DCAF1: variants seen among roughly 807,000 people sequenced by gnomAD.
DCAF1 encodes the protein DDB1 and CUL4 associated factor 1.
In DCAF1, 15 loss-of-function variants were observed where a neutral mutation model predicts 128.0. The ratio of observed to expected loss-of-function variants is 0.12; its 90% CI spans 0.08 to 0.18. DCAF1 has a LOEUF of 0.18. Ranked by LOEUF, DCAF1 falls within the 10% of genes least tolerant of loss-of-function variation. The probability of loss-of-function intolerance (pLI) is 1.00; values close to 1 mark genes in which losing one functional copy is unlikely to be tolerated. For missense variants in DCAF1, 988 were observed against 1,649.5 expected (o/e 0.60, Z 6.95); for synonymous variants, 610 against 603.0 (o/e 1.01, Z -0.17).
intron 6 of DCAF1, among the ~76,000 whole-genome samples, chr3:51,450,237 C>G (rs1702223722): frequency 6.6e-6 from 1 of 152,020 alleles, no homozygotes; most frequent in Admixed American, 6.6e-5. Flanking sequence ...TAACTCTTCC[C>G]AAAAATTGAC....
chr3:51,432,267 TAAAAAAAAA>T (rs879192648), intron 10 of DCAF1, among the ~76,000 whole-genome samples: 4 of 99,042 alleles, frequency 4.0e-5, no homozygotes, highest in Non-Finnish European at 7.6e-5. Context: ...CAAGATTCTG[TAAAAAAAAA>T]AAAAAAAAAA....
rs1273637579 is a variant in DCAF1 at position 51,434,577 on chromosome 3, T to C, written c.1129-1313A>G. On this transcript the variant is annotated intron_variant, in intron 9 of 24. Transcript: ENST00000684031. ...AACTTTCCCATTTTAATCCTTTTAA[T>C]ATAAATAGCTCTATATCCTAGCTTT... 2.6e-5 allele frequency among the ~76,000 whole-genome samples: 4 copies of C among 152,236 alleles called. No homozygotes were observed. In the East Asian group the frequency reaches 5.8e-4, roughly 22 times the overall value.
intron 3 of DCAF1, among the ~76,000 whole-genome samples, chr3:51,479,893 A>G (rs782260393): frequency 6.6e-5 from 10 of 152,150 alleles, no homozygotes; most frequent in Non-Finnish European, 1.3e-4. Context: ...ATTAAAACAA[A>G]GTGGTGGCCA....
Position 51,463,207 on chromosome 3 carries a change from C to A in DCAF1, c.282G>T (p.Met94Ile). ...FMNALVNAYVMTSREPPLNTA... is the reference protein window; with the variant it reads ...FMNALVNAYVITSREPPLNTA... ...TGTTTAAAGGGGGCTCTCGGCTTGT[C>A]ATCACATATGCATTCACCAGCTGTA... Residue 94 changes from methionine to isoleucine, a missense_variant, in exon 6 of 25, where the codon ATG becomes ATT. Around this residue, in one of 11 missense-constraint regions of DCAF1, gnomAD observed 210 missense variants for 260.2 expected, o/e 0.81. Coordinates refer to ENST00000684031, the MANE Select transcript of DCAF1 (RefSeq NM_001387579.1). 1 of 1,585,654 alleles carries A rather than the reference C, an allele frequency of 6.3e-7. No homozygotes were observed. The highest frequency in any genetic ancestry group is 8.6e-7 in the Non-Finnish European group (1 of 1,165,450).
At chr3:51,499,755 GCC>G (rs1193188481) in intron 1 of DCAF1, 116 bp downstream of exon 1, 1 of 151,468 alleles carries the variant, frequency 6.6e-6, no homozygotes, top group Admixed American at 6.6e-5. Context: ...CTCGCCGGCG[GCC>G]CAAGCAGGTG....
chr3:51,431,396 T>G (rs1222125702), intron 10 of DCAF1, among the ~76,000 whole-genome samples: 1 of 150,572 alleles, frequency 6.6e-6, no homozygotes, highest in Non-Finnish European at 1.5e-5. Flanking sequence ...GGCACGTGCC[T>G]GTGATCCCAG....
intron 4 of DCAF1, among the ~76,000 whole-genome samples, chr3:51,470,684 G>A (rs782564212): frequency 3.3e-5 from 5 of 152,076 alleles, no homozygotes; most frequent in South Asian, 2.1e-4. Context: ...TGTGATATTC[G>A]ATTGGCAAAT....
At chr3:51,407,736 C>T (rs1323614621) in intron 23 of DCAF1, among the ~76,000 whole-genome samples, 1 of 151,920 alleles carries the variant, frequency 6.6e-6, no homozygotes, top group East Asian at 1.9e-4. Flanking sequence ...GCCTATAATC[C>T]CAGCACTTTG....
At chr3:51,437,690 C>T (rs530717431) in intron 9 of DCAF1, among the ~76,000 whole-genome samples, 48 of 152,028 alleles carry the variant, frequency 3.2e-4, no homozygotes, top group African/African-American at 9.9e-4. Context: ...TGGTGCGCAC[C>T]TGCAGTCCAA....
At chr3:51,407,949 C>A (rs186447605) in intron 23 of DCAF1, among the ~76,000 whole-genome samples, 1 of 137,742 alleles carries the variant, frequency 7.3e-6, no homozygotes, top group Non-Finnish European at 1.5e-5. Context: ...CGCAACACTG[C>A]GCTCCAGCCT....
At chr3:51,413,615 CAAG>C (rs1553629326) in intron 20 of DCAF1, among the ~76,000 whole-genome samples, 1 of 152,176 alleles carries the variant, frequency 6.6e-6, no homozygotes, top group Non-Finnish European at 1.5e-5. Flanking sequence ...CATCTACCTC[CAAG>C]AAGTGTTACT....
intron 12 of DCAF1, among the ~76,000 whole-genome samples, chr3:51,428,792 C>T (rs1700125591): frequency 6.6e-6 from 1 of 151,714 alleles, no homozygotes; most frequent in South Asian, 2.1e-4. Flanking sequence ...CCAGGAGTTC[C>T]AAGACCAGCC....
Position 51,443,916 on chromosome 3 carries a change from A to C in DCAF1, c.376-13T>G, listed in dbSNP as rs1248044517. 1.9e-6 allele frequency: 3 copies of C among 1,577,440 alleles called. No homozygotes were observed. Among genetic ancestry groups the C allele is most frequent in the Non-Finnish European group, 2.6e-6 (3 of 1,169,078 alleles). On this transcript the variant is annotated splice_polypyrimidine_tract_variant and intron_variant, in intron 6 of 24. Transcript: ENST00000684031. ...CGACAATTCCCTCCTATAGTAAAGGAAATTAAATAGTACATTTCGGAAAAA... is the reference window on the plus strand; with the variant it reads ...CGACAATTCCCTCCTATAGTAAAGGCAATTAAATAGTACATTTCGGAAAAA...
At chr3:51,408,096 GGCA>G in intron 23 of DCAF1, among the ~76,000 whole-genome samples, 1 of 151,708 alleles carries the variant, frequency 6.6e-6, no homozygotes, top group South Asian at 2.1e-4. Context: ...CCTGAAGGCA[GGCA>G]GACTAGCAGC....
chr3:51,412,382 GTCC>G lies in DCAF1; in HGVS notation c.4206_4208del (p.Glu1402del). On this transcript the variant is annotated inframe_deletion, in exon 23 of 25. Transcript: ENST00000684031. ...AGAAATCTCAAAGACCACTGACCTG[GTCC>G]TCCTCTTCATCCTCATCCTCTGCCA... 1 of 1,613,806 alleles carries G rather than the reference GTCC, an allele frequency of 6.2e-7. No individual in the cohort carries two copies. The highest frequency in any genetic ancestry group is 8.5e-7 in the Non-Finnish European group (1 of 1,179,856).
chr3:51,466,908 G>A lies in DCAF1; in HGVS notation c.188-32C>T, dbSNP rs532023316. 40 of 1,606,578 alleles carry A rather than the reference G, an allele frequency of 2.5e-5. No homozygotes were observed. The East Asian group carries it at 8.5e-4, about 34-fold the overall frequency. On this transcript the variant is annotated intron_variant, in intron 4 of 24. Coordinates refer to ENST00000684031, the MANE Select transcript of DCAF1 (RefSeq NM_001387579.1). ...AGAGAAGAGGGGAGGAACAAACAAA[G>A]GAATGAGTAAGTCATCCCAGTCAAG...
intron 6 of DCAF1, among the ~76,000 whole-genome samples, chr3:51,461,140 G>A (rs1703510855): frequency 6.6e-6 from 1 of 151,592 alleles, no homozygotes; most frequent in African/African-American, 2.4e-5. Flanking sequence ...CAGAATGGGA[G>A]AAAATTTTTG....
intron 10 of DCAF1, among the ~76,000 whole-genome samples, chr3:51,432,863 C>T (rs994269922): frequency 1.3e-5 from 2 of 152,150 alleles, no homozygotes; most frequent in Non-Finnish European, 2.9e-5. Flanking sequence ...AAATAAAGCT[C>T]CCAGACTCCA....
At chr3:51,440,103 A>G (rs1701226561) in intron 9 of DCAF1, 9 of 490,864 alleles carry the variant, frequency 1.8e-5, no homozygotes, top group South Asian at 1.4e-4. Context: ...GCAACAACTG[A>G]GGCCACCCCA....
Sources: gnomAD v4.1 joint callset for allele counts (sites outside exome capture counted in the v4.1 genomes callset) on GRCh38, gnomAD v4.1.1 for gene constraint, gnomAD v4.1.1 regional missense constraint, MANE v1.5 for transcripts, NCBI Gene and HGNC (gene_info 2026-07-23, HGNC 2026-07-21) for gene names.